IL1RAPL1: variants seen among roughly 807,000 people sequenced by gnomAD.
IL1RAPL1 encodes interleukin-1 receptor accessory protein-like 1.
IL1RAPL1 carries 3 observed loss-of-function variants against 48.4 expected under a neutral mutation model. The observed-to-expected ratio is 0.06, with a 90% CI of 0.03 to 0.16. The LOEUF is 0.16. Among genes scored for constraint, IL1RAPL1 ranks in the 10% least tolerant of loss-of-function variants. The pLI is 1.00. For missense variants in IL1RAPL1, 349 were observed against 530.6 expected (o/e 0.66, Z 3.36); for synonymous variants, 185 against 187.7 (o/e 0.99, Z 0.12).
At chrX:29,539,002 C>T (rs908398863) in intron 5 of IL1RAPL1, among the ~76,000 whole-genome samples, 8 of 110,570 alleles carry the variant, frequency 7.2e-5, no homozygotes, top group Non-Finnish European at 9.4e-5. Flanking sequence ...CCAATTTCAC[C>T]GAAACTATTC....
At chrX:28,944,594 A>C (rs1924247536) in intron 2 of IL1RAPL1, among the ~76,000 whole-genome samples, 1 of 110,929 alleles carries the variant, frequency 9.0e-6, no homozygotes, top group African/African-American at 3.3e-5. Context: ...TTCTGTTCAC[A>C]ATTTTTTAAA....
chrX:28,832,387 T>C (rs1291376851), intron 2 of IL1RAPL1, among the ~76,000 whole-genome samples: 1 of 111,711 alleles, frequency 9.0e-6, no homozygotes, highest in Non-Finnish European at 1.9e-5. Flanking sequence ...GCTTTTTGTT[T>C]TTATTCTACT....
intron 1 of IL1RAPL1, among the ~76,000 whole-genome samples, chrX:28,652,489 C>T (rs1032566878): frequency 1.8e-5 from 2 of 111,734 alleles, no homozygotes; most frequent in Admixed American, 9.5e-5. Context: ...TTTATTTATA[C>T]TGTATAATGC....
chrX:29,213,509 C>T lies in IL1RAPL1; in HGVS notation c.83-69429C>T, dbSNP rs185173615. 4.5e-4 allele frequency among the ~76,000 whole-genome samples: 51 copies of T among 112,603 alleles called. 1 individual carries two copies. In the East Asian group the frequency reaches 0.013, roughly 29 times the overall value. On this transcript the variant is annotated intron_variant, in intron 2 of 10. Transcript: ENST00000378993. ...TCTGTGCCCACTCTTGCAATTGCTT[C>T]CATTGCATTCCAAAGAAAAGCTAGA...
intron 2 of IL1RAPL1, among the ~76,000 whole-genome samples, chrX:28,979,866 T>C (rs1925288694): frequency 8.9e-6 from 1 of 112,070 alleles, no homozygotes; most frequent in Non-Finnish European, 1.9e-5. Context: ...TAAAAATGCC[T>C]GAAGCCCTTA....
intron 6 of IL1RAPL1, among the ~76,000 whole-genome samples, chrX:29,905,514 T>G (rs766604459): frequency 0.021 from 556 of 26,444 alleles, 1 homozygote; most frequent in Non-Finnish European, 0.029. Context: ...ATTTAAGTCT[T>G]TCTTTAATCC....
At chrX:29,578,623 A>C (rs777723201) in intron 5 of IL1RAPL1, among the ~76,000 whole-genome samples, 162 of 111,675 alleles carry the variant, frequency 1.5e-3, no homozygotes, top group African/African-American at 4.6e-3. Flanking sequence ...TAAATTTTTA[A>C]GATTTTTAAA....
At chrX:29,203,549 C>T (rs763319479) in intron 2 of IL1RAPL1, among the ~76,000 whole-genome samples, 2 of 108,472 alleles carry the variant, frequency 1.8e-5, no homozygotes, top group East Asian at 2.9e-4. Flanking sequence ...GGAGAAACCC[C>T]GTCTCTACTA....
chrX:28,655,479 GA>G (rs1934739575), intron 1 of IL1RAPL1, among the ~76,000 whole-genome samples: 1 of 111,040 alleles, frequency 9.0e-6, no homozygotes, highest in South Asian at 3.8e-4. Context: ...TCTAAGTGCT[GA>G]AAAACTAAAG....
intron 1 of IL1RAPL1, chrX:28,659,297 G>T (rs1934787907): frequency 1.8e-6 from 1 of 554,300 alleles, no homozygotes; most frequent in African/African-American, 2.2e-5. Context: ...CAGAAGTTCA[G>T]TGGACTTCTG....
At chrX:29,020,227 G>T (rs779274900) in intron 2 of IL1RAPL1, among the ~76,000 whole-genome samples, 2 of 112,300 alleles carry the variant, frequency 1.8e-5, no homozygotes, top group Non-Finnish European at 3.8e-5. Flanking sequence ...ATCAAGATAT[G>T]AATCTAATAA....
At chrX:29,834,755 G>A (rs748174211) in intron 6 of IL1RAPL1, among the ~76,000 whole-genome samples, 1 of 111,695 alleles carries the variant, frequency 9.0e-6, no homozygotes, top group South Asian at 3.7e-4. Context: ...AAACTGTGCT[G>A]ACATCATGAC....
At chrX:29,600,256 C>T (rs1041470897) in intron 5 of IL1RAPL1, among the ~76,000 whole-genome samples, 6 of 111,997 alleles carry the variant, frequency 5.4e-5, no homozygotes, top group African/African-American at 2.0e-4. Flanking sequence ...AGGAATAAAG[C>T]TTCCTGAGAG....
intron 2 of IL1RAPL1, among the ~76,000 whole-genome samples, chrX:28,917,220 A>G (rs1416290015): frequency 2.7e-5 from 3 of 111,848 alleles, no homozygotes; most frequent in African/African-American, 9.7e-5. Context: ...ATAATATAAA[A>G]GTAGTGTTTC....
intron 2 of IL1RAPL1, among the ~76,000 whole-genome samples, chrX:29,166,214 C>T (rs1929783121): frequency 8.9e-6 from 1 of 112,149 alleles, no homozygotes; most frequent in Non-Finnish European, 1.9e-5. Context: ...TCTGTTAGTG[C>T]TCATAGTCTG....
chrX:28,600,172 C>T (rs1934006542), intron 1 of IL1RAPL1, among the ~76,000 whole-genome samples: 1 of 111,659 alleles, frequency 9.0e-6, no homozygotes, highest in Admixed American at 9.5e-5. Context: ...TGCAATAATA[C>T]CATATGAAAT....
chrX:29,887,088 C>T (rs934231043), intron 6 of IL1RAPL1, among the ~76,000 whole-genome samples: 4 of 111,801 alleles, frequency 3.6e-5, no homozygotes, highest in African/African-American at 1.3e-4. Context: ...CTATGTTTCA[C>T]TTGTACAAGA....
rs184950286 is a variant in IL1RAPL1 at position 29,840,448 on chromosome X, C to T, written c.779-77016C>T. Among the ~76,000 whole-genome samples the T allele has an allele frequency of 2.4e-4, 27 of 111,816 alleles. 1 individual carries two copies. Among genetic ancestry groups the T allele is most frequent in the Non-Finnish European group, 4.7e-4 (25 of 53,206 alleles). ...ATACTAAACTGCCTTGACCTGAAGA[C>T]GATAGAAATGAAAACCCATTTTAAA... On this transcript the variant is annotated intron_variant, in intron 6 of 10. Transcript: ENST00000378993.
chrX:29,853,223 A>G (rs1356025103), intron 6 of IL1RAPL1, among the ~76,000 whole-genome samples: 4 of 108,010 alleles, frequency 3.7e-5, no homozygotes, highest in Non-Finnish European at 7.7e-5. Flanking sequence ...GGCCAGGTGC[A>G]GTGGCTCACA....
Sources: allele counts gnomAD v4.1 joint callset (sites outside exome capture counted in the v4.1 genomes callset), GRCh38; gene constraint gnomAD v4.1.1; transcripts MANE v1.5; gene names NCBI Gene and HGNC (gene_info 2026-07-23, HGNC 2026-07-21).